DLC1: variants seen among roughly 807,000 people sequenced by gnomAD.
The protein encoded by DLC1 is rho GTPase-activating protein 7.
A neutral mutation model predicts 140.3 loss-of-function variants in DLC1; 54 were observed. The observed-to-expected ratio is 0.38, with a 90% CI of 0.31 to 0.48. The LOEUF is 0.48. Ranked by LOEUF, DLC1 falls within the 20% of genes least tolerant of loss-of-function variation. DLC1 has a pLI of 0.96. For synonymous variants in DLC1, 986 were observed against 728.1 expected (o/e 1.35, Z -5.70); for missense variants, 2,536 against 1,907.0 (o/e 1.33, Z -6.14).
At chr8:13,238,622 C>G (rs1278975912) in intron 5 of DLC1, among the ~76,000 whole-genome samples, 1 of 152,024 alleles carries the variant, frequency 6.6e-6, no homozygotes, top group African/African-American at 2.4e-5. Context: ...AAAGGCCTCC[C>G]TTCCTTAATC....
intron 5 of DLC1, among the ~76,000 whole-genome samples, chr8:13,141,406 A>G (rs1374470553): frequency 6.6e-6 from 1 of 152,176 alleles, no homozygotes; most frequent in Non-Finnish European, 1.5e-5. Flanking sequence ...TAATACTAAT[A>G]AATCAATCCT....
Position 13,094,885 on chromosome 8 carries a change from C to T in DLC1, c.3400G>A (p.Asp1134Asn), listed in dbSNP as rs778292244. The change falls in exon 12 of 18, where the codon GAC (aspartate) becomes AAC (asparagine). Residue 1134 changes from aspartate to asparagine, a missense_variant. Physicochemically the swap from Asp to Asn is conservative, Grantham distance 23 (BLOSUM62 1). Coordinates refer to ENST00000276297, the MANE Select transcript of DLC1 (RefSeq NM_182643.3). Reference sequence around the variant, plus strand: ...GACTGTCCTTCGTAGTTGACACAGTCTATGGCACCTTCATTCATCTGGCGC... The same window carrying T: ...GACTGTCCTTCGTAGTTGACACAGTTTATGGCACCTTCATTCATCTGGCGC... ...ALRQMNEGAI[D>N]CVNYEGQSAY... The T allele has an allele frequency of 6.2e-7, 1 of 1,614,230 alleles. No homozygotes were observed. Among genetic ancestry groups the T allele is most frequent in the African/African-American group, 1.3e-5 (1 of 75,062 alleles).
chr8:13,572,322 C>G (rs1009503895), intron 1 of DLC1, among the ~76,000 whole-genome samples: 1 of 152,018 alleles, frequency 6.6e-6, no homozygotes, highest in African/African-American at 2.4e-5. Flanking sequence ...ATCTCCTGAC[C>G]TTGTGATCCA....
chr8:13,320,036 C>G (rs1833029363), intron 4 of DLC1, among the ~76,000 whole-genome samples: 4 of 151,682 alleles, frequency 2.6e-5, no homozygotes, highest in Admixed American at 2.6e-4. Context: ...GCTGGCCAGC[C>G]TCCTGACCTC....
At chr8:13,201,568 A>G (rs553153314) in intron 5 of DLC1, among the ~76,000 whole-genome samples, 60 of 152,218 alleles carry the variant, frequency 3.9e-4, no homozygotes, top group African/African-American at 1.4e-3. Context: ...ATATTAGAAT[A>G]AAAGCCACAG....
In DLC1 at chr8:13,178,596, C is replaced by G. The variant is rs548454238; in HGVS notation, c.1349-62939G>C. Among the ~76,000 whole-genome samples, 16 of 148,870 alleles carry G rather than the reference C, an allele frequency of 1.1e-4. No homozygotes were observed. The South Asian group carries it at 3.2e-3, about 30-fold the overall frequency. ...TCAAAAAAAAAAAAAAAAAAGATTA[C>G]TGTTCTATATTAACTTCTATACATC... On this transcript the variant is annotated intron_variant, in intron 5 of 17. Transcript: ENST00000276297.
intron 2 of DLC1, among the ~76,000 whole-genome samples, chr8:13,421,907 C>A (rs1279212047): frequency 6.6e-6 from 1 of 152,102 alleles, no homozygotes; most frequent in Non-Finnish European, 1.5e-5. Context: ...AACTTGTTCT[C>A]CATATGAACT....
At chr8:13,163,143 T>C (rs1824846764) in intron 5 of DLC1, among the ~76,000 whole-genome samples, 1 of 152,174 alleles carries the variant, frequency 6.6e-6, no homozygotes, top group South Asian at 2.1e-4. Flanking sequence ...CAATGTTAAA[T>C]ATATGTTACT....
At chr8:13,512,105 T>C (rs936231067) in intron 1 of DLC1, among the ~76,000 whole-genome samples, 1 of 152,220 alleles carries the variant, frequency 6.6e-6, no homozygotes, top group African/African-American at 2.4e-5. Flanking sequence ...CAGTCAGCTA[T>C]AAGGGCCACC....
chr8:13,234,995 G>A (rs1272592273), intron 5 of DLC1, among the ~76,000 whole-genome samples: 1 of 152,056 alleles, frequency 6.6e-6, no homozygotes, highest in Non-Finnish European at 1.5e-5. Context: ...GCCCTGACTA[G>A]CTCTGTCTGT....
chr8:13,362,320 A>T (rs1001099195), intron 4 of DLC1, among the ~76,000 whole-genome samples: 4 of 152,176 alleles, frequency 2.6e-5, no homozygotes, highest in Admixed American at 6.6e-5. Context: ...GACATCATAG[A>T]GTCTGGCTTG....
At chr8:13,586,181 T>C (rs571829529) in intron 1 of DLC1, among the ~76,000 whole-genome samples, 4 of 152,250 alleles carry the variant, frequency 2.6e-5, no homozygotes, top group Non-Finnish European at 4.4e-5. Flanking sequence ...GTGATTCTAA[T>C]ATGCAGCTGC....
intron 5 of DLC1, among the ~76,000 whole-genome samples, chr8:13,126,470 T>C (rs965698323): frequency 6.6e-6 from 1 of 152,114 alleles, no homozygotes; most frequent in South Asian, 2.1e-4. Flanking sequence ...AACAGTAATT[T>C]GGAATAGCTC....
At chr8:13,236,701 AT>A (rs772666081) in intron 5 of DLC1, among the ~76,000 whole-genome samples, 26 of 152,128 alleles carry the variant, frequency 1.7e-4, no homozygotes, top group Non-Finnish European at 2.9e-4. Flanking sequence ...AATTAGGGCC[AT>A]TTGGGATAAA....
intron 5 of DLC1, among the ~76,000 whole-genome samples, chr8:13,247,437 C>T (rs1167017497): frequency 6.6e-6 from 1 of 152,196 alleles, no homozygotes; most frequent in Non-Finnish European, 1.5e-5. Flanking sequence ...GTGTGCCAGG[C>T]AGCATTCTAA....
chr8:13,291,911 T>C (rs996987736), intron 5 of DLC1, among the ~76,000 whole-genome samples: 4 of 152,042 alleles, frequency 2.6e-5, no homozygotes, highest in African/African-American at 9.7e-5. Context: ...TGTGGAATTC[T>C]TTCTACACAT....
intron 2 of DLC1, among the ~76,000 whole-genome samples, chr8:13,405,860 C>G (rs368199954): frequency 1.0e-4 from 14 of 140,202 alleles, no homozygotes; most frequent in African/African-American, 3.4e-4. Context: ...CTGTCTTTCT[C>G]TCTTTTCTTT....
intron 5 of DLC1, among the ~76,000 whole-genome samples, chr8:13,267,787 T>A (rs1187198872): frequency 6.6e-6 from 1 of 150,570 alleles, no homozygotes; most frequent in African/African-American, 2.4e-5. Context: ...TGCCTAGATG[T>A]GCTCATTACC....
At chr8:13,486,555 T>C (rs1314152141) in intron 2 of DLC1, among the ~76,000 whole-genome samples, 3 of 152,194 alleles carry the variant, frequency 2.0e-5, no homozygotes, top group Non-Finnish European at 4.4e-5. Flanking sequence ...TACCACGACA[T>C]ACCACTATTA....
Sources: allele counts gnomAD v4.1 joint callset (sites outside exome capture counted in the v4.1 genomes callset), GRCh38; gene constraint gnomAD v4.1.1; transcripts MANE v1.5; gene names NCBI Gene and HGNC (gene_info 2026-07-23, HGNC 2026-07-21).